TRIM44: variants seen among roughly 807,000 people sequenced by gnomAD.
TRIM44 encodes the protein tripartite motif containing 44.
In TRIM44, 13 loss-of-function variants were observed where a neutral mutation model predicts 37.4. The ratio of observed to expected loss-of-function variants is 0.35; its 90% CI spans 0.23 to 0.55. TRIM44 has a LOEUF of 0.55. Among genes scored for constraint, TRIM44 ranks in the 20% least tolerant of loss-of-function variants. The pLI is 0.89. For missense variants in TRIM44, 426 were observed against 437.2 expected (o/e 0.97, Z 0.23); for synonymous variants, 175 against 157.2 (o/e 1.11, Z -0.85).
intron 4 of TRIM44, among the ~76,000 whole-genome samples, chr11:35,796,193 A>G (rs866129193): frequency 6.6e-6 from 1 of 152,206 alleles, no homozygotes; most frequent in Non-Finnish European, 1.5e-5. Context: ...TGGGACTCCC[A>G]AAGCTACTGA....
At chr11:35,696,643 T>C (rs1851703250) in intron 2 of TRIM44, among the ~76,000 whole-genome samples, 1 of 150,958 alleles carries the variant, frequency 6.6e-6, no homozygotes, top group Non-Finnish European at 1.5e-5. Flanking sequence ...GGTCAAGAGA[T>C]CAAGATCATC....
intron 4 of TRIM44, among the ~76,000 whole-genome samples, chr11:35,761,398 T>G (rs1852725109): frequency 2.2e-5 from 1 of 44,518 alleles, no homozygotes. Context: ...GCTCTCTCTC[T>G]CTCTCTCTAT....
chr11:35,682,165 C>T (rs1851527794), intron 1 of TRIM44, among the ~76,000 whole-genome samples: 3 of 151,950 alleles, frequency 2.0e-5, no homozygotes, highest in African/African-American at 7.3e-5. Context: ...CTTCAAGTAC[C>T]TAGCTACCCA....
intron 2 of TRIM44, among the ~76,000 whole-genome samples, chr11:35,703,407 G>A (rs1733608181): frequency 6.6e-6 from 1 of 152,218 alleles, no homozygotes; most frequent in Non-Finnish European, 1.5e-5. Context: ...GAAGAGAGCA[G>A]TGGTTCTCTC....
At chr11:35,746,470 T>G (rs1535774) in intron 4 of TRIM44, among the ~76,000 whole-genome samples, 2 of 147,662 alleles carry the variant, frequency 1.4e-5, no homozygotes, top group Non-Finnish European at 3.0e-5. Flanking sequence ...TTTTTTTTTG[T>G]AGCTCTATGT....
intron 4 of TRIM44, among the ~76,000 whole-genome samples, chr11:35,769,076 G>C (rs570132093): frequency 2.0e-5 from 3 of 152,298 alleles, no homozygotes; most frequent in East Asian, 3.9e-4. Flanking sequence ...CTGGAACCGG[G>C]TTGTTACTTA....
At chr11:35,741,990 G>A (rs1304110340) in intron 4 of TRIM44, among the ~76,000 whole-genome samples, 3 of 152,062 alleles carry the variant, frequency 2.0e-5, no homozygotes, top group African/African-American at 7.2e-5. Context: ...GAGTGTAATA[G>A]TACAATCACA....
intron 4 of TRIM44, among the ~76,000 whole-genome samples, chr11:35,776,143 C>T (rs1316416587): frequency 6.6e-6 from 1 of 152,142 alleles, no homozygotes; most frequent in Non-Finnish European, 1.5e-5. Context: ...GCCTCAATTT[C>T]AGAGCCTGTT....
chr11:35,806,481 C>T lies in TRIM44; in HGVS notation c.*96C>T. 7.4e-7 allele frequency: 1 copy of T among 1,356,948 alleles called. No homozygotes were observed. The highest frequency in any genetic ancestry group is 1.1e-6 in the Non-Finnish European group (1 of 948,152). 84.1% of individuals were successfully genotyped at this position (1,356,948 alleles called of 1,614,324 possible). On this transcript the variant is annotated 3_prime_UTR_variant, in exon 5 of 5. Coordinates refer to ENST00000299413, the MANE Select transcript of TRIM44 (RefSeq NM_017583.6). Reference sequence around the variant, plus strand: ...TCTGATTTCTGTGAAAGCTGCTCAGCAACAAACGTACTTCCACCAGATGTG... The same window carrying T: ...TCTGATTTCTGTGAAAGCTGCTCAGTAACAAACGTACTTCCACCAGATGTG...
chr11:35,689,364 G>A (rs985876673), intron 2 of TRIM44, among the ~76,000 whole-genome samples: 1 of 152,192 alleles, frequency 6.6e-6, no homozygotes, highest in African/African-American at 2.4e-5. Context: ...GTTTTAAAGG[G>A]TACATACCTC....
At chr11:35,803,126 C>T (rs941955191) in intron 4 of TRIM44, among the ~76,000 whole-genome samples, 1 of 152,096 alleles carries the variant, frequency 6.6e-6, no homozygotes, top group Admixed American at 6.5e-5. Context: ...TAGTGACTTA[C>T]GTAAGATCCC....
At chr11:35,740,762 T>C (rs1360385621) in intron 4 of TRIM44, among the ~76,000 whole-genome samples, 2 of 152,138 alleles carry the variant, frequency 1.3e-5, no homozygotes, top group African/African-American at 2.4e-5. Flanking sequence ...TCCTCACCCC[T>C]CTTCACTCTT....
chr11:35,756,225 C>G (rs1351588512), intron 4 of TRIM44, among the ~76,000 whole-genome samples: 1 of 151,994 alleles, frequency 6.6e-6, no homozygotes, highest in Non-Finnish European at 1.5e-5. Context: ...CTTCACATCC[C>G]TTGTAAGTTG....
chr11:35,727,982 G>A (rs1328339162), intron 3 of TRIM44, among the ~76,000 whole-genome samples: 1 of 152,180 alleles, frequency 6.6e-6, no homozygotes, highest in African/African-American at 2.4e-5. Flanking sequence ...TATCAAGTTC[G>A]ACCCCTTCAT....
intron 2 of TRIM44, among the ~76,000 whole-genome samples, chr11:35,707,605 G>A (rs555467435): frequency 5.1e-3 from 747 of 147,270 alleles, no homozygotes; most frequent in African/African-American, 0.017. Flanking sequence ...CAGAAATAAC[G>A]CCGCATATCT....
intron 3 of TRIM44, 104 bp downstream of exon 3, chr11:35,726,267 C>G: frequency 7.0e-7 from 1 of 1,429,456 alleles, no homozygotes; most frequent in South Asian, 1.3e-5. Context: ...GAATTGAAGT[C>G]TAGGTAGAGT....
chr11:35,768,419 C>T (rs568696928), intron 4 of TRIM44, among the ~76,000 whole-genome samples: 3 of 152,268 alleles, frequency 2.0e-5, no homozygotes, highest in Admixed American at 6.5e-5. Flanking sequence ...GGTTCGCACT[C>T]AACCCAGTTC....
intron 4 of TRIM44, among the ~76,000 whole-genome samples, chr11:35,797,435 G>A (rs532137814): frequency 6.8e-4 from 104 of 152,262 alleles, no homozygotes; most frequent in African/African-American, 2.2e-3. Context: ...TAGGTGGCTC[G>A]TAGTGACTTC....
At chr11:35,782,010 A>G (rs530748379) in intron 4 of TRIM44, among the ~76,000 whole-genome samples, 16 of 152,238 alleles carry the variant, frequency 1.1e-4, no homozygotes, top group Non-Finnish European at 1.2e-4. Flanking sequence ...TGAGTTATCT[A>G]CTGTGTACCA....
Sources: allele counts gnomAD v4.1 joint callset (sites outside exome capture counted in the v4.1 genomes callset), GRCh38; gene constraint gnomAD v4.1.1; transcripts MANE v1.5; gene names NCBI Gene and HGNC (gene_info 2026-07-23, HGNC 2026-07-21).